Variants in KPNA3 observed in about 807,000 individuals in gnomAD.
KPNA3 encodes the protein karyopherin subunit alpha 3.
In KPNA3, 13 loss-of-function variants were observed where a neutral mutation model predicts 73.8. That is an observed-to-expected ratio of 0.18 (90% CI 0.11 to 0.28). KPNA3 has a LOEUF of 0.28. KPNA3 is among the 10% of genes least tolerant of loss of function. The probability of loss-of-function intolerance (pLI) is 1.00; values close to 1 mark genes in which losing one functional copy is unlikely to be tolerated. For synonymous variants in KPNA3, 186 were observed against 206.9 expected, an observed-to-expected ratio of 0.90 and a Z score of 0.87; for missense variants, 360 against 618.1, an observed-to-expected ratio of 0.58 and a Z score of 4.43.
At chr13:49,791,748 C>A (rs1384212845) in intron 1 of KPNA3, among the ~76,000 whole-genome samples, 7 of 152,202 alleles carry the variant, frequency 4.6e-5, no homozygotes, top group Admixed American at 4.6e-4. Flanking sequence ...AAACTATTGT[C>A]CACCTTCAGC....
chr13:49,783,475 G>A (rs1054095357), intron 1 of KPNA3, among the ~76,000 whole-genome samples: 4 of 152,002 alleles, frequency 2.6e-5, no homozygotes, highest in African/African-American at 4.8e-5. Context: ...TCCCTCCCCC[G>A]AAGATACTAA....
intron 5 of KPNA3, 43 bp from the exon 6 acceptor site, chr13:49,732,509 A>T: frequency 6.8e-7 from 1 of 1,480,842 alleles, no homozygotes; most frequent in Non-Finnish European, 9.3e-7. Context: ...TAATTTTCAA[A>T]CTGTGAAAAG....
chr13:49,727,508 G>A (rs1470911488), intron 6 of KPNA3, among the ~76,000 whole-genome samples: 1 of 151,058 alleles, frequency 6.6e-6, no homozygotes, highest in African/African-American at 2.4e-5. Context: ...AAGAACAAAA[G>A]GTTTTAAGGA....
In KPNA3 at chr13:49,790,504, C is replaced by T. The variant is rs1010457780; in HGVS notation, c.69+1934G>A. Among the ~76,000 whole-genome samples, 4 of 152,208 alleles carry T rather than the reference C, an allele frequency of 2.6e-5. No homozygotes were observed. In the South Asian group the frequency reaches 8.3e-4, roughly 32 times the overall value. On this transcript the variant is annotated intron_variant, in intron 1 of 16. Transcript: ENST00000261667. The stretch of plus-strand genomic sequence containing the variant: ...CTCATGTAAAGTGGGGATAATGCCA[C>T]ACTTCATATACTTGTTACACAGATT...
intron 1 of KPNA3, among the ~76,000 whole-genome samples, chr13:49,752,468 T>C (rs539886107): frequency 6.6e-6 from 1 of 152,206 alleles, no homozygotes; most frequent in South Asian, 2.1e-4. Flanking sequence ...AGTGTTGCTA[T>C]TGAAAGCCTA....
intron 12 of KPNA3, among the ~76,000 whole-genome samples, chr13:49,708,577 A>G (rs1451511282): frequency 6.6e-6 from 1 of 152,236 alleles, no homozygotes; most frequent in Non-Finnish European, 1.5e-5. Flanking sequence ...TTGTATGCCA[A>G]TGTTCACTGC....
intron 10 of KPNA3, among the ~76,000 whole-genome samples, chr13:49,716,947 C>T (rs1003438629): frequency 1.3e-5 from 2 of 151,978 alleles, no homozygotes; most frequent in Admixed American, 6.6e-5. Flanking sequence ...TGGAAAATAC[C>T]GCCACTGAGG....
intron 1 of KPNA3, among the ~76,000 whole-genome samples, chr13:49,773,918 T>C (rs1204211101): frequency 1.3e-5 from 2 of 152,174 alleles, no homozygotes; most frequent in African/African-American, 2.4e-5. Context: ...TTCATAGTCA[T>C]CTTTTTGAGA....
intron 1 of KPNA3, among the ~76,000 whole-genome samples, chr13:49,771,579 T>C (rs1484469406): frequency 6.6e-6 from 1 of 152,190 alleles, no homozygotes; most frequent in Non-Finnish European, 1.5e-5. Context: ...TGCACCCAAG[T>C]AGCTGGGACT....
intron 1 of KPNA3, among the ~76,000 whole-genome samples, chr13:49,772,307 TTTTCAGATGCTC>T (rs1397405065): frequency 1.3e-5 from 2 of 152,192 alleles, no homozygotes; most frequent in African/African-American, 4.8e-5. Flanking sequence ...AGCTGTGGAT[TTTTCAGATGCTC>T]TTCATCAAGA....
chr13:49,725,831 A>G (rs1187320032), intron 6 of KPNA3, among the ~76,000 whole-genome samples: 1 of 152,058 alleles, frequency 6.6e-6, no homozygotes, highest in African/African-American at 2.4e-5. Context: ...TAGTAGAGAT[A>G]GGGTTTCACT....
intron 2 of KPNA3, among the ~76,000 whole-genome samples, chr13:49,743,768 A>G (rs1954593584): frequency 6.6e-6 from 1 of 152,162 alleles, no homozygotes; most frequent in African/African-American, 2.4e-5. Context: ...AAGGGCTAAA[A>G]TGATTAAACA....
chr13:49,751,057 T>A (rs1473528957), intron 1 of KPNA3, among the ~76,000 whole-genome samples: 3 of 152,092 alleles, frequency 2.0e-5, no homozygotes, highest in African/African-American at 7.2e-5. Flanking sequence ...AGAGGAGATA[T>A]AATCAGAGGG....
chr13:49,741,323 T>C (rs762722047), intron 2 of KPNA3, among the ~76,000 whole-genome samples: 8 of 152,228 alleles, frequency 5.3e-5, no homozygotes, highest in Non-Finnish European at 1.0e-4. Context: ...TTGATAATGG[T>C]TATTCTAACA....
At chr13:49,748,011 A>AG (rs1954633195) in intron 1 of KPNA3, among the ~76,000 whole-genome samples, 1 of 152,204 alleles carries the variant, frequency 6.6e-6, no homozygotes, top group Admixed American at 6.5e-5. Context: ...TTAAGGAGAA[A>AG]GGGAAAAAAA....
intron 1 of KPNA3, among the ~76,000 whole-genome samples, chr13:49,758,026 A>ACAT (rs1369404355): frequency 6.6e-6 from 1 of 152,164 alleles, no homozygotes; most frequent in Non-Finnish European, 1.5e-5. Flanking sequence ...TAAAGGATAT[A>ACAT]CATCAGATGC....
chr13:49,720,598 A>G (rs1287218972), intron 9 of KPNA3, among the ~76,000 whole-genome samples: 3 of 152,064 alleles, frequency 2.0e-5, no homozygotes, highest in Non-Finnish European at 4.4e-5. Context: ...TCTACTAAAA[A>G]TACAAAAATT....
intron 2 of KPNA3, among the ~76,000 whole-genome samples, chr13:49,735,201 C>A (rs1954510938): frequency 6.6e-6 from 1 of 152,282 alleles, no homozygotes; most frequent in East Asian, 1.9e-4. Flanking sequence ...CAGCTCACTG[C>A]AACCTCCACC....
intron 1 of KPNA3, among the ~76,000 whole-genome samples, chr13:49,757,689 T>G (rs545496236): frequency 3.3e-5 from 5 of 150,424 alleles, no homozygotes; most frequent in African/African-American, 1.2e-4. Flanking sequence ...TGAAAACTCA[T>G]CTACACACAC....
Sources: gnomAD v4.1 joint callset for allele counts (sites outside exome capture counted in the v4.1 genomes callset) on GRCh38, gnomAD v4.1.1 for gene constraint, MANE v1.5 for transcripts, NCBI Gene and HGNC (gene_info 2026-07-23, HGNC 2026-07-21) for gene names.